OSBPL10: variants seen among roughly 807,000 people sequenced by gnomAD.
The protein encoded by OSBPL10 is oxysterol-binding protein-related protein 10.
In OSBPL10, 49 loss-of-function variants were observed where a neutral mutation model predicts 81.7. The ratio of observed to expected loss-of-function variants is 0.60; its 90% CI spans 0.48 to 0.76. OSBPL10 has a LOEUF of 0.76. Ranked by LOEUF, OSBPL10 falls within the 30% of genes least tolerant of loss-of-function variation. The pLI is 0.00. For missense variants in OSBPL10, 923 were observed against 987.8 expected (o/e 0.93, Z 0.88); for synonymous variants, 419 against 383.6 (o/e 1.09, Z -1.08).
chr3:31,716,320 G>T (rs1222956922), intron 6 of OSBPL10, among the ~76,000 whole-genome samples: 1 of 152,042 alleles, frequency 6.6e-6, no homozygotes, highest in Non-Finnish European at 1.5e-5. Flanking sequence ...CATACTTTTT[G>T]TTTAAGTGTA....
chr3:31,951,573 C>T (rs1001614154), intron 1 of OSBPL10, among the ~76,000 whole-genome samples: 6 of 151,584 alleles, frequency 4.0e-5, no homozygotes, highest in African/African-American at 1.5e-4. Context: ...TTTTCTTATG[C>T]TCTGTTACAT....
chr3:32,041,208 T>C (rs1699571888), intron 2 of OSBPL10, among the ~76,000 whole-genome samples: 1 of 152,164 alleles, frequency 6.6e-6, no homozygotes, highest in Non-Finnish European at 1.5e-5. Flanking sequence ...GTGGCAGAGA[T>C]TACCCAGAAC....
At chr3:31,846,239 C>T (rs1700628696) in intron 3 of OSBPL10, among the ~76,000 whole-genome samples, 1 of 152,198 alleles carries the variant, frequency 6.6e-6, no homozygotes, top group Non-Finnish European at 1.5e-5. Context: ...TCTCAAGCTC[C>T]TGGGCTCCAG....
At chr3:32,007,599 A>G (rs6772958) in intron 2 of OSBPL10, among the ~76,000 whole-genome samples, 49,019 of 151,880 alleles carry the variant, frequency 0.32, 8,829 homozygotes, top group African/African-American at 0.48. Context: ...CTTTTTCTGT[A>G]TATGTCAAAG....
intron 4 of OSBPL10, among the ~76,000 whole-genome samples, chr3:31,770,560 G>A (rs1698350715): frequency 1.3e-5 from 2 of 152,168 alleles, no homozygotes; most frequent in Admixed American, 1.3e-4. Context: ...GCCGAGGTGG[G>A]TGGATCATCT....
At chr3:31,719,479 T>C (rs1280040008) in intron 6 of OSBPL10, among the ~76,000 whole-genome samples, 1 of 152,134 alleles carries the variant, frequency 6.6e-6, no homozygotes, top group Non-Finnish European at 1.5e-5. Context: ...ATGCTTAACT[T>C]CATACATAAT....
chr3:31,968,526 A>C (rs983091015), intron 1 of OSBPL10, among the ~76,000 whole-genome samples: 1 of 151,978 alleles, frequency 6.6e-6, no homozygotes, highest in Non-Finnish European at 1.5e-5. Flanking sequence ...AAAAAAAAAA[A>C]ACACTTTACC....
Position 31,928,901 on chromosome 3 carries a change from AATCT to A in OSBPL10, c.282-49075_282-49072del, listed in dbSNP as rs1475434246. 2.6e-5 allele frequency among the ~76,000 whole-genome samples: 4 copies of A among 152,218 alleles called. No individual in the cohort carries two copies. In the East Asian group the frequency reaches 7.7e-4, roughly 29 times the overall value. ...AATATAAAAATCACAATCCAAAGTCAATCTATTATTAGGTCTAGGTTTATTAAAT... is the reference window on the plus strand; with the variant it reads ...AATATAAAAATCACAATCCAAAGTCAATTATTAGGTCTAGGTTTATTAAAT... On this transcript the variant is annotated intron_variant, in intron 1 of 11. Transcript: ENST00000396556.
At chr3:31,837,090 CT>C (rs1700373029) in intron 3 of OSBPL10, among the ~76,000 whole-genome samples, 1 of 152,018 alleles carries the variant, frequency 6.6e-6, no homozygotes, top group Admixed American at 6.6e-5. Flanking sequence ...GATTCAGCCC[CT>C]TCAGCTGGGC....
chr3:32,071,578 G>T (rs1443151161), intron 1 of OSBPL10, among the ~76,000 whole-genome samples: 1 of 152,136 alleles, frequency 6.6e-6, no homozygotes, highest in Non-Finnish European at 1.5e-5. Flanking sequence ...ACTGTTTTAG[G>T]CTGGCCATCA....
rs753942743 is a variant in OSBPL10, at chr3:31,876,506, T to C, written c.464A>G (p.Asp155Gly). 1.2e-4 allele frequency: 189 copies of C among 1,611,964 alleles called. No homozygotes were observed. The highest frequency in any genetic ancestry group is 3.0e-4 in the Admixed American group (18 of 60,000). ...NGEMFKLRAA[D>G]AKEKQFWVTQ... ...CACCCAGAATTGTTTCTCTTTTGCA[T>C]CAGCAGCTAAAATAGAGAAAACAGA... is the stretch of plus-strand genomic sequence containing the variant. Residue 155 changes from aspartate (D) to glycine (G), a missense_variant, in exon 3 of 12, where the codon GAT becomes GGT. Asp to Gly is a moderately conservative substitution (Grantham distance 94). This residue lies in a region of OSBPL10 where 514 missense variants were observed against 508.0 expected (regional missense o/e 1.01). Transcript: ENST00000396556.
At chr3:31,772,708 T>A (rs1698418341) in intron 4 of OSBPL10, among the ~76,000 whole-genome samples, 1 of 152,206 alleles carries the variant, frequency 6.6e-6, no homozygotes, top group South Asian at 2.1e-4. Flanking sequence ...TGGGAACATG[T>A]GCATCCAGAA....
chr3:32,076,433 C>A (rs185891168), intron 1 of OSBPL10, among the ~76,000 whole-genome samples: 1 of 152,128 alleles, frequency 6.6e-6, no homozygotes, highest in Non-Finnish European at 1.5e-5. Context: ...TGCCTGCACC[C>A]AGGTGAAATA....
At chr3:31,755,784 C>T (rs1474193662) in intron 4 of OSBPL10, among the ~76,000 whole-genome samples, 1 of 152,196 alleles carries the variant, frequency 6.6e-6, no homozygotes, top group Non-Finnish European at 1.5e-5. Flanking sequence ...TGTCTCTAAA[C>T]CAGGCCATGC....
At chr3:31,683,545 A>C (rs1397002302) in intron 8 of OSBPL10, 89 bp downstream of exon 8, 5 of 1,507,030 alleles carry the variant, frequency 3.3e-6, no homozygotes, top group East Asian at 2.3e-5. Flanking sequence ...ACAACAACAA[A>C]AAACTCCACA....
chr3:31,840,000 T>A (rs1057360819), intron 3 of OSBPL10, among the ~76,000 whole-genome samples: 2 of 150,808 alleles, frequency 1.3e-5, no homozygotes, highest in Non-Finnish European at 3.0e-5. Flanking sequence ...TTCAACTGGA[T>A]AATTTTCATC....
intron 7 of OSBPL10, 99 bp downstream of exon 7, chr3:31,702,260 C>T: frequency 7.1e-7 from 1 of 1,404,860 alleles, no homozygotes; most frequent in Non-Finnish European, 9.7e-7. Flanking sequence ...TCTTCTTCTC[C>T]AATCTCACCA....
At chr3:31,738,201 G>C (rs1015892381) in intron 5 of OSBPL10, among the ~76,000 whole-genome samples, 12 of 152,040 alleles carry the variant, frequency 7.9e-5, no homozygotes, top group African/African-American at 2.4e-4. Context: ...GGAAAAAAAT[G>C]CACATCTAGA....
At chr3:31,729,256 C>T (rs971473883) in intron 6 of OSBPL10, among the ~76,000 whole-genome samples, 9 of 152,140 alleles carry the variant, frequency 5.9e-5, no homozygotes, top group South Asian at 4.1e-4. Flanking sequence ...TATCTCATTG[C>T]CCTGGGCTCT....
Sources: allele counts gnomAD v4.1 joint callset (sites outside exome capture counted in the v4.1 genomes callset), GRCh38; gene constraint gnomAD v4.1.1; regional missense constraint gnomAD v4.1.1; transcripts MANE v1.5; gene names NCBI Gene and HGNC (gene_info 2026-07-23, HGNC 2026-07-21).